Variants in EXD2 observed in about 807,000 individuals in gnomAD.
EXD2 encodes the protein exonuclease 3'-5' domain-containing protein 2.
A neutral mutation model predicts 62.5 loss-of-function variants in EXD2; 40 were observed. The observed-to-expected ratio is 0.64, with a 90% CI of 0.50 to 0.83. EXD2 has a LOEUF of 0.83. EXD2 is among the 40% of genes least tolerant of loss of function. The probability of loss-of-function intolerance (pLI) is 0.00; values close to 1 mark genes in which losing one functional copy is unlikely to be tolerated. For synonymous variants in EXD2, 239 were observed against 291.9 expected (o/e 0.82, Z 1.85); for missense variants, 671 against 761.8 (o/e 0.88, Z 1.40).
intron 1 of EXD2, among the ~76,000 whole-genome samples, chr14:69,193,412 C>G (rs575696710): frequency 1.3e-5 from 2 of 152,242 alleles, no homozygotes; most frequent in South Asian, 2.1e-4. Context: ...TTTTGCCAAT[C>G]TGATGGATGG....
At chr14:69,193,908 A>G (rs929196866) in intron 1 of EXD2, among the ~76,000 whole-genome samples, 1 of 152,156 alleles carries the variant, frequency 6.6e-6, no homozygotes, top group Non-Finnish European at 1.5e-5. Context: ...TAAACATCCT[A>G]CAGCGCACGG....
At chr14:69,203,582 T>G (rs921078058) in intron 1 of EXD2, among the ~76,000 whole-genome samples, 3 of 152,168 alleles carry the variant, frequency 2.0e-5, no homozygotes, top group Non-Finnish European at 4.4e-5. Context: ...AGAGGGCAAT[T>G]TGTAAGCAGG....
intron 6 of EXD2, chr14:69,235,734 G>A: frequency 2.7e-6 from 1 of 373,026 alleles, no homozygotes; most frequent in Non-Finnish European, 5.0e-6. Flanking sequence ...TGATTTGGCA[G>A]TTTTCTTGTT....
At chr14:69,199,068 A>AC (rs1331135237) in intron 1 of EXD2, among the ~76,000 whole-genome samples, 12 of 152,264 alleles carry the variant, frequency 7.9e-5, no homozygotes, top group African/African-American at 2.6e-4. Context: ...ACATGGTGAA[A>AC]CCCCGTCTCT....
intron 3 of EXD2, chr14:69,210,060 G>C: frequency 3.2e-6 from 1 of 316,530 alleles, no homozygotes; most frequent in Admixed American, 4.5e-5. Flanking sequence ...CGTGAACTTG[G>C]ACAAGCTATT....
chr14:69,238,720 C>T (rs1594786397), intron 9 of EXD2, among the ~76,000 whole-genome samples: 1 of 151,688 alleles, frequency 6.6e-6, no homozygotes, highest in Admixed American at 6.6e-5. Context: ...CTGTAACTTC[C>T]ACCTCCCAGG....
chr14:69,226,843 A>G (rs1566834067), intron 3 of EXD2, among the ~76,000 whole-genome samples: 1 of 149,304 alleles, frequency 6.7e-6, no homozygotes, highest in Non-Finnish European at 1.5e-5. Context: ...GATTTTGGTC[A>G]CTTCAATTAT....
chr14:69,218,196 G>A (rs1031105996), intron 3 of EXD2, among the ~76,000 whole-genome samples: 2 of 152,140 alleles, frequency 1.3e-5, no homozygotes, highest in African/African-American at 4.8e-5. Context: ...TCCAGCACCT[G>A]TTGTTTCCTG....
At chr14:69,197,712 C>G (rs1028022265) in intron 1 of EXD2, among the ~76,000 whole-genome samples, 1 of 152,154 alleles carries the variant, frequency 6.6e-6, no homozygotes, top group African/African-American at 2.4e-5. Context: ...TTAATTCACT[C>G]AGGTCGTGGC....
intron 5 of EXD2, among the ~76,000 whole-genome samples, chr14:69,234,199 G>GT (rs908924238): frequency 8.6e-5 from 13 of 151,872 alleles, no homozygotes; most frequent in East Asian, 3.9e-4. Flanking sequence ...AAACCTATTT[G>GT]TTTTTTTTGT....
At chr14:69,240,309 G>T (rs1368212655) in intron 9 of EXD2, among the ~76,000 whole-genome samples, 1 of 152,096 alleles carries the variant, frequency 6.6e-6, no homozygotes, top group Non-Finnish European at 1.5e-5. Context: ...TCATTTAATG[G>T]CACCATTTGC....
chr14:69,228,552 C>T (rs1566835195), intron 3 of EXD2, among the ~76,000 whole-genome samples: 1 of 152,028 alleles, frequency 6.6e-6, no homozygotes, highest in Non-Finnish European at 1.5e-5. Flanking sequence ...CCAGAGCTCC[C>T]CTGTGTCGGC....
chr14:69,236,904 A>C (rs1285003405), intron 8 of EXD2, among the ~76,000 whole-genome samples: 1 of 152,164 alleles, frequency 6.6e-6, no homozygotes, highest in African/African-American at 2.4e-5. Context: ...TTATTCATGG[A>C]GTATCCAGAT....
chr14:69,238,900 T>G (rs897408232), intron 9 of EXD2, among the ~76,000 whole-genome samples: 3 of 152,190 alleles, frequency 2.0e-5, no homozygotes, highest in Non-Finnish European at 2.9e-5. Flanking sequence ...AGAACTGGGA[T>G]TACAGGCATG....
In EXD2 at chr14:69,243,915, A is replaced by G. The variant is rs1186467882; in HGVS notation, c.*2815A>G. 6.6e-6 allele frequency: 1 copy of G among 152,026 alleles called. No homozygotes were observed. The highest frequency in any genetic ancestry group is 1.5e-5 in the Non-Finnish European group (1 of 68,024). The allele number at this position is 152,026 out of a possible 1,614,324, so 9.4% of individuals were successfully genotyped here. ...TGAGTCCTTCCCTTCTTCCAACCTT[A>G]TTGCCTCATTTCCCCCTTGTAGTCA... On this transcript the variant is annotated 3_prime_UTR_variant, in exon 10 of 10. Transcript: ENST00000685843.
At chr14:69,220,252 T>TC (rs2043125707) in intron 3 of EXD2, among the ~76,000 whole-genome samples, 2 of 110,306 alleles carry the variant, frequency 1.8e-5, no homozygotes, top group African/African-American at 7.4e-5. Context: ...TTTGTCTCTC[T>TC]GTTTTTTTTT....
chr14:69,225,762 A>G (rs1023738044), intron 3 of EXD2, among the ~76,000 whole-genome samples: 3 of 152,192 alleles, frequency 2.0e-5, no homozygotes, highest in Admixed American at 2.0e-4. Context: ...AAAAGGGGGA[A>G]ATATGAGAAA....
At chr14:69,228,439 G>A (rs1005806662) in intron 3 of EXD2, among the ~76,000 whole-genome samples, 8 of 152,098 alleles carry the variant, frequency 5.3e-5, no homozygotes, top group Admixed American at 1.3e-4. Flanking sequence ...TGATCCGCCC[G>A]CCTTGGCCTC....
In EXD2 at chr14:69,237,610, T is replaced by G. The variant is rs2043840192; in HGVS notation, c.1328T>G (p.Phe443Cys). 1 of 1,614,108 alleles carries G rather than the reference T, an allele frequency of 6.2e-7. No homozygotes were observed. The highest frequency in any genetic ancestry group is 1.3e-5 in the African/African-American group (1 of 74,930). The change falls in exon 9 of 10, where the codon TTC becomes TGC. Residue 443 changes from phenylalanine (F) to cysteine (C), a missense_variant. Phe to Cys is a radical substitution (Grantham distance 205). Coordinates refer to ENST00000685843, the MANE Select transcript of EXD2 (RefSeq NM_001193360.2). ...NVIPHEYRKHFPIEMKDHNSH... is the reference protein window; with the variant it reads ...NVIPHEYRKHCPIEMKDHNSH... ...ATTCCACATGAGTACCGGAAGCACT[T>G]CCCCATCGAGATGAAGGACCACAAC...
Sources: allele counts gnomAD v4.1 joint callset (sites outside exome capture counted in the v4.1 genomes callset), GRCh38; gene constraint gnomAD v4.1.1; transcripts MANE v1.5; gene names NCBI Gene and HGNC (gene_info 2026-07-23, HGNC 2026-07-21).